The following DLGAP1 variants were observed in gnomAD, a reference collection of about 807,000 sequenced individuals.
The protein encoded by DLGAP1 is DLG associated protein 1.
DLGAP1 carries 11 observed loss-of-function variants against 90.8 expected under a neutral mutation model. The ratio of observed to expected loss-of-function variants is 0.12; its 90% CI spans 0.08 to 0.20. The LOEUF (loss-of-function observed/expected upper bound fraction) is 0.20, where lower values mean the gene tolerates loss of function less well. Among genes scored for constraint, DLGAP1 ranks in the 10% least tolerant of loss-of-function variants. The pLI is 1.00. For missense variants in DLGAP1, 1,050 were observed against 1,333.8 expected (o/e 0.79, Z 3.31); for synonymous variants, 558 against 540.7 (o/e 1.03, Z -0.44).
In DLGAP1 at chr18:3,879,509, C is replaced by G. The variant is rs767909387; in HGVS notation, c.560G>C (p.Arg187Pro). ...RYGKRSKSKE[R>P]RAEPKARPST... ...GGGCCGGGCCTTGGGCTCCGCGCGC[C>G]GCTCCTTGCTCTTGCTGCGTTTGCC... Residue 187 changes from arginine (R) to proline (P), a missense_variant, in exon 4 of 13, where the codon CGG becomes CCG. Coordinates refer to ENST00000315677, the MANE Select transcript of DLGAP1 (RefSeq NM_004746.4). The surrounding 1 kb of genome is among the most constrained non-coding windows in gnomAD (Gnocchi z 6.6). 18 of 1,602,906 alleles carry G rather than the reference C, an allele frequency of 1.1e-5. No homozygotes were observed. The highest frequency in any genetic ancestry group is 1.6e-4 in the Middle Eastern group (1 of 6,074).
chr18:3,912,874 G>A (rs2072065822), intron 3 of DLGAP1, among the ~76,000 whole-genome samples: 1 of 152,018 alleles, frequency 6.6e-6, no homozygotes, highest in African/African-American at 2.4e-5. Context: ...GACTGTGTAG[G>A]GTTGGGTGTG....
chr18:3,718,318 G>C (rs575595534), intron 7 of DLGAP1, among the ~76,000 whole-genome samples: 1 of 151,988 alleles, frequency 6.6e-6, no homozygotes, highest in Non-Finnish European at 1.5e-5. Context: ...AATTAGCCAG[G>C]AGTGGTCTTA....
intron 6 of DLGAP1, among the ~76,000 whole-genome samples, chr18:3,737,405 C>T (rs1261175300): frequency 6.9e-6 from 1 of 143,972 alleles, no homozygotes; most frequent in African/African-American, 2.6e-5. Flanking sequence ...TCCAGCAGCA[C>T]ATCAAAAAGC....
chr18:4,014,337 C>G (rs1311954639), intron 2 of DLGAP1, among the ~76,000 whole-genome samples: 1 of 152,136 alleles, frequency 6.6e-6, no homozygotes, highest in Admixed American at 6.5e-5. Flanking sequence ...CCCGCCTCGG[C>G]CTACTTAGCC....
Position 3,517,833 on chromosome 18 carries a change from A to AC in DLGAP1, c.2480-9173_2480-9172insG. 6.6e-6 allele frequency among the ~76,000 whole-genome samples: 1 copy of AC among 151,296 alleles called. No individual in the cohort carries two copies. The highest frequency in any genetic ancestry group is 1.9e-4 in the East Asian group (1 of 5,160). On this transcript the variant is annotated intron_variant, in intron 10 of 12. Coordinates refer to ENST00000315677, the MANE Select transcript of DLGAP1 (RefSeq NM_004746.4). The surrounding 1 kb of genome is among the most constrained non-coding windows in gnomAD (Gnocchi z 4.1). ...ACTCTGTCTCGGAAAAAAAAAAAAAAGAAGAGAGTCACAATGTGTCTCTGA... is the reference window on the plus strand; with the variant it reads ...ACTCTGTCTCGGAAAAAAAAAAAAAACGAAGAGAGTCACAATGTGTCTCTGA...
chr18:3,897,828 C>T (rs2071668438), intron 3 of DLGAP1, among the ~76,000 whole-genome samples: 2 of 142,786 alleles, frequency 1.4e-5, no homozygotes, highest in South Asian at 4.4e-4. Flanking sequence ...CGCTCTGTCG[C>T]CCAGGCCGGA....
intron 3 of DLGAP1, among the ~76,000 whole-genome samples, chr18:3,981,848 A>T (rs1323191937): frequency 2.0e-5 from 3 of 152,204 alleles, no homozygotes; most frequent in African/African-American, 7.2e-5. Context: ...GAATTTCCTC[A>T]ATCATCCTAA....
intron 2 of DLGAP1, among the ~76,000 whole-genome samples, chr18:4,100,300 A>G (rs1163383117): frequency 6.6e-6 from 1 of 152,204 alleles, no homozygotes; most frequent in Non-Finnish European, 1.5e-5. Flanking sequence ...GTATAGCTCC[A>G]TCAGAGCTCT....
At chr18:4,174,281 C>G (rs1412066669) in intron 1 of DLGAP1, among the ~76,000 whole-genome samples, 3 of 152,110 alleles carry the variant, frequency 2.0e-5, no homozygotes, top group Non-Finnish European at 4.4e-5. Context: ...AACACCTGCC[C>G]TGAGCTGCCT....
chr18:3,588,787 A>AG (rs1442909415), intron 7 of DLGAP1, among the ~76,000 whole-genome samples: 1 of 150,792 alleles, frequency 6.6e-6, no homozygotes, highest in Non-Finnish European at 1.5e-5. Context: ...CTCAAAAAAA[A>AG]AAAAAAGAAA....
chr18:4,289,696 G>A (rs2079798160), intron 1 of DLGAP1, among the ~76,000 whole-genome samples: 2 of 152,096 alleles, frequency 1.3e-5, no homozygotes, highest in African/African-American at 4.8e-5. Context: ...AAAGCAAAAT[G>A]AGGAAATGAG....
intron 8 of DLGAP1, among the ~76,000 whole-genome samples, chr18:3,567,806 T>C (rs1212197141): frequency 6.6e-6 from 1 of 152,228 alleles, no homozygotes; most frequent in Non-Finnish European, 1.5e-5. Context: ...GATAAATGTT[T>C]ATGATTCCTC....
chr18:4,285,064 TAA>T lies in DLGAP1; in HGVS notation c.-266-133779_-266-133778del, dbSNP rs549090417. 3.2e-3 allele frequency among the ~76,000 whole-genome samples: 432 copies of T among 135,600 alleles called. 2 individuals are homozygous for T. The highest frequency in any genetic ancestry group is 5.5e-3 in the Non-Finnish European group (343 of 62,102). The allele number at this position is 135,600 out of a possible 152,430, so 89.0% of individuals were successfully genotyped here. ...TTTTACAAAAATAATGATAAAGTAA[TAA>T]TTTCTACTTTTTGTAAAGCCATTAT... On this transcript the variant is annotated intron_variant, in intron 1 of 12. Coordinates refer to ENST00000315677, the MANE Select transcript of DLGAP1 (RefSeq NM_004746.4).
At chr18:3,939,516 G>C (rs1248415927) in intron 3 of DLGAP1, among the ~76,000 whole-genome samples, 3 of 145,816 alleles carry the variant, frequency 2.1e-5, no homozygotes, top group African/African-American at 7.7e-5. Context: ...AAAAAAACAA[G>C]TGGCATAGAA....
intron 2 of DLGAP1, among the ~76,000 whole-genome samples, chr18:4,125,570 G>A (rs1256624399): frequency 1.3e-5 from 2 of 152,190 alleles, no homozygotes; most frequent in Non-Finnish European, 2.9e-5. Flanking sequence ...AGGTCTGCAT[G>A]AGACATGGTC....
chr18:3,757,228 C>T (rs1312357874), intron 5 of DLGAP1, among the ~76,000 whole-genome samples: 7 of 151,700 alleles, frequency 4.6e-5, no homozygotes, highest in African/African-American at 1.2e-4. Context: ...GCCAAAATGG[C>T]GAAACCCCAT....
chr18:3,599,859 C>T (rs569289542), intron 7 of DLGAP1, among the ~76,000 whole-genome samples: 10 of 151,990 alleles, frequency 6.6e-5, no homozygotes, highest in South Asian at 2.1e-4. Context: ...CCTTGTGATC[C>T]GCCCACCTCG....
intron 5 of DLGAP1, among the ~76,000 whole-genome samples, chr18:3,773,813 G>A (rs1310320796): frequency 2.0e-5 from 3 of 152,178 alleles, no homozygotes; most frequent in Admixed American, 2.0e-4. Flanking sequence ...ATATATTAGA[G>A]GGAAATGGAT....
At chr18:4,130,753 G>A (rs1024273379) in intron 2 of DLGAP1, among the ~76,000 whole-genome samples, 11 of 152,240 alleles carry the variant, frequency 7.2e-5, no homozygotes, top group African/African-American at 2.4e-4. Flanking sequence ...AAAGAGCCGA[G>A]GGAGCCGTTA....
Sources: allele counts gnomAD v4.1 joint callset (sites outside exome capture counted in the v4.1 genomes callset), GRCh38; gene constraint gnomAD v4.1.1; non-coding constraint Gnocchi (gnomAD v3.1); transcripts MANE v1.5; gene names NCBI Gene and HGNC (gene_info 2026-07-23, HGNC 2026-07-21).